Variants in PCDH20 observed in about 807,000 individuals in gnomAD.
The protein encoded by PCDH20 is protocadherin 20.
In PCDH20, 18 loss-of-function variants were observed where a neutral mutation model predicts 39.7. The observed-to-expected ratio is 0.45, with a 90% CI of 0.31 to 0.67. The LOEUF (loss-of-function observed/expected upper bound fraction) is 0.67, where lower values mean the gene tolerates loss of function less well. Ranked by LOEUF, PCDH20 falls within the 30% of genes least tolerant of loss-of-function variation. The pLI, the probability that PCDH20 is intolerant of heterozygous loss-of-function variation, is 0.05. For synonymous variants in PCDH20, 495 were observed against 455.4 expected (o/e 1.09, Z -1.11); for missense variants, 1,161 against 1,167.4 (o/e 0.99, Z 0.08).
exon 2 of PCDH20, chr13:61,413,782 G>A: frequency 6.2e-7 from 1 of 1,613,528 alleles, no homozygotes. Context: ...GGTGCGCTCT[G>A]GCAGCTGCGA....
chr13:61,411,177 C>CT (rs35681459), exon 2 of PCDH20: 1 of 1,389,552 alleles, frequency 7.2e-7, no homozygotes, highest in South Asian at 1.3e-5. Context: ...TCAACACACT[C>CT]TTTTTTAGGT....
exon 2 of PCDH20, chr13:61,413,613 C>A: frequency 6.2e-7 from 1 of 1,614,204 alleles, no homozygotes; most frequent in Non-Finnish European, 8.5e-7. Flanking sequence ...CGCTGCCGCT[C>A]CACGCAGTCC....
At chr13:61,412,880 G>A in exon 2 of PCDH20, 2 of 1,614,050 alleles carry the variant, frequency 1.2e-6, no homozygotes, top group East Asian at 2.2e-5. Flanking sequence ...ATTACAGCAG[G>A]GATGCAGCCT....
chr13:61,411,934 AG>A lies in PCDH20; in HGVS notation c.2164del (p.Leu722SerfsTer12). 3 of 1,614,084 alleles carry A rather than the reference AG, an allele frequency of 1.9e-6. No homozygotes were observed. The highest frequency in any genetic ancestry group is 2.5e-6 in the Non-Finnish European group (3 of 1,180,034). ...AATTGTGATTTTTGCTGTAGAGGAG[AG>A]GGCAGGCTCACCCCCATCAACAGCT... is the stretch of plus-strand genomic sequence containing the variant. On this transcript the variant is annotated frameshift_variant, in exon 2 of 2. Transcript: ENST00000409204. LOFTEE classifies it low-confidence loss of function (END_TRUNC).
chr13:61,412,913 G>A (rs1484978726), exon 2 of PCDH20: 1 of 1,614,152 alleles, frequency 6.2e-7, no homozygotes, highest in South Asian at 1.1e-5. Context: ...AGGATGGTGA[G>A]CTTGTGGGAC....
rs753791161 is a variant in PCDH20, at chr13:61,411,862, T to C, written c.2237A>G (p.Gln746Arg). The change falls in exon 2 of 2, where the codon CAG becomes CGG. Residue 746 changes from glutamine (Q) to arginine (R), a missense_variant. Coordinates refer to ENST00000409204, the Ensembl canonical transcript of PCDH20. The stretch of plus-strand genomic sequence containing the variant: ...TACTAACAGATAAGACATATTAGAC[T>C]GAGGAAACAAAACAAGAGGAGGGTT... 2.5e-6 allele frequency: 4 copies of C among 1,614,064 alleles called. No individual in the cohort carries two copies. In the Admixed American group the frequency reaches 6.7e-5, roughly 27 times the overall value.
chr13:61,413,706 C>T, exon 2 of PCDH20: 1 of 1,613,980 alleles, frequency 6.2e-7, no homozygotes. Context: ...TGTCTAGGGT[C>T]ACGTACTGGC....
exon 2 of PCDH20, chr13:61,411,711 C>G: frequency 6.2e-7 from 1 of 1,614,112 alleles, no homozygotes; most frequent in Non-Finnish European, 8.5e-7. Context: ...TAGGGTCAAT[C>G]CTGAAGGACT....
chr13:61,414,058 C>G (rs777594861), intron 1 of PCDH20, 92 bp from the exon 2 acceptor site: 374 of 1,181,136 alleles, frequency 3.2e-4, no homozygotes, highest in Non-Finnish European at 4.1e-4. Context: ...CTTGCTGTCC[C>G]CATCCCCGTT....
chr13:61,413,075 C>A, exon 2 of PCDH20: 1 of 1,614,188 alleles, frequency 6.2e-7, no homozygotes, highest in Non-Finnish European at 8.5e-7. Context: ...ACAGCCTGGA[C>A]AGCTGCAATT....
chr13:61,415,282 G>A, exon 1 of PCDH20: 3 of 1,175,412 alleles, frequency 2.6e-6, no homozygotes, highest in Non-Finnish European at 3.3e-6. Flanking sequence ...TTAAGGACGG[G>A]AACTCAAAGA....
At chr13:61,412,360 G>A in exon 2 of PCDH20, 2 of 1,614,130 alleles carry the variant, frequency 1.2e-6, no homozygotes, top group Non-Finnish European at 1.7e-6. Flanking sequence ...GGAAAAATAT[G>A]ATGGAGCATC....
At chr13:61,413,470 G>A in exon 2 of PCDH20, 2 of 1,613,948 alleles carry the variant, frequency 1.2e-6, no homozygotes, top group Non-Finnish European at 1.7e-6. Flanking sequence ...CTGGGAAACA[G>A]GGAACTGCGG....
chr13:61,413,631 C>A lies in PCDH20; in HGVS notation c.468G>T (p.Gly156=), dbSNP rs369000947. The A allele has an allele frequency of 2.0e-5, 32 of 1,614,096 alleles. No individual in the cohort carries two copies. The African/African-American group carries it at 4.3e-4, about 22-fold the overall frequency. The change falls in exon 2 of 2, where the codon GGG becomes GGT. Residue 156 remains glycine (G), a synonymous_variant. Transcript: ENST00000409204. The stretch of plus-strand genomic sequence containing the variant: ...TGCCGCTCCACGCAGTCCCTCCACC[C>A]CCTTCAACACACAGGGCCTCCCTGT...
At position 61,414,074 on chromosome 13, in the gene PCDH20, A is replaced by T. The variant is rs1364018223; in HGVS notation, c.133-108T>A. The stretch of plus-strand genomic sequence containing the variant: ...TTGCTGTCCCCATCCCCGTTCCCAG[A>T]AGCAAAACCTCTAATTAGAACGGGG... On this transcript the variant is annotated intron_variant, in intron 1 of 1. Transcript: ENST00000409204. The T allele has an allele frequency of 2.2e-5, 22 of 990,840 alleles. No individual in the cohort carries two copies. The Admixed American group carries it at 6.3e-4, about 28-fold the overall frequency. 61.4% of individuals were successfully genotyped at this position (990,840 alleles called of 1,614,324 possible).
At chr13:61,413,580 A>C (rs768581334) in exon 2 of PCDH20, 1 of 1,614,202 alleles carries the variant, frequency 6.2e-7, no homozygotes, top group East Asian at 2.2e-5. Flanking sequence ...GACAAGAGTC[A>C]GAAGGAGAGG....
intron 1 of PCDH20, 144 bp downstream of exon 1, chr13:61,414,883 T>G (rs1871505072): frequency 4.9e-6 from 5 of 1,019,958 alleles, no homozygotes; most frequent in Non-Finnish European, 5.2e-6. Context: ...AGACACATTA[T>G]CCCAAACTCC....
exon 1 of PCDH20, chr13:61,415,076 A>G (rs774703017): frequency 1.3e-6 from 2 of 1,578,006 alleles, no homozygotes. Flanking sequence ...TAGACGCCCC[A>G]TATCCAGGCG....
chr13:61,414,815 C>G (rs894526970), intron 1 of PCDH20, among the ~76,000 whole-genome samples: 3 of 152,190 alleles, frequency 2.0e-5, no homozygotes, highest in Non-Finnish European at 2.9e-5. Flanking sequence ...GGATACATTT[C>G]TTGCTTCAGA....
Sources: gnomAD v4.1 joint callset for allele counts (sites outside exome capture counted in the v4.1 genomes callset) on GRCh38, gnomAD v4.1.1 for gene constraint, MANE v1.5 for transcripts, NCBI Gene and HGNC (gene_info 2026-07-23, HGNC 2026-07-21) for gene names.